PLXNA4: variants seen among roughly 807,000 people sequenced by gnomAD.
PLXNA4 encodes the protein plexin A4.
PLXNA4 carries 44 observed loss-of-function variants against 191.8 expected under a neutral mutation model. That is an observed-to-expected ratio of 0.23 (90% CI 0.18 to 0.29). PLXNA4 has a LOEUF of 0.29. PLXNA4 is among the 10% of genes least tolerant of loss of function. The probability of loss-of-function intolerance (pLI) is 1.00; values close to 1 mark genes in which losing one functional copy is unlikely to be tolerated. For missense variants in PLXNA4, 1,800 were observed against 2,488.8 expected, an observed-to-expected ratio of 0.72 and a Z score of 5.89; for synonymous variants, 1,082 against 1,009.5, an observed-to-expected ratio of 1.07 and a Z score of -1.36.
intron 2 of PLXNA4, among the ~76,000 whole-genome samples, chr7:132,627,999 T>A (rs993529296): frequency 2.6e-5 from 4 of 152,222 alleles, no homozygotes; most frequent in Admixed American, 1.3e-4. Flanking sequence ...TTTAATATTT[T>A]CCTTCTTGGA....
chr7:132,527,861 A>T (rs972390969), intron 1 of PLXNA4, among the ~76,000 whole-genome samples: 2 of 152,208 alleles, frequency 1.3e-5, no homozygotes, highest in African/African-American at 4.8e-5. Context: ...TAACTGATAG[A>T]GCCTGCACAC....
intron 3 of PLXNA4, among the ~76,000 whole-genome samples, chr7:132,429,473 A>C (rs1466444936): frequency 6.6e-6 from 1 of 152,172 alleles, no homozygotes; most frequent in East Asian, 1.9e-4. Context: ...CACACCACGA[A>C]AGCAGGCACA....
At position 132,507,948 on chromosome 7, in the gene PLXNA4, C is replaced by G; in HGVS notation, c.746G>C (p.Ser249Thr). 1 of 1,614,136 alleles carries G rather than the reference C, an allele frequency of 6.2e-7. No homozygotes were observed. Among genetic ancestry groups the G allele is most frequent in the Non-Finnish European group, 8.5e-7 (1 of 1,180,034 alleles). The change falls in exon 2 of 32, where the codon AGC (serine) becomes ACC (threonine). Residue 249 changes from serine (S) to threonine (T), a missense_variant. Physicochemically the swap from Ser to Thr is moderately conservative, Grantham distance 58. Coordinates refer to ENST00000321063, the MANE Select transcript of PLXNA4 (RefSeq NM_020911.2). ...CAAAAAGTAGACAAAGTTGCCACTG[C>G]TAAAACCATAGACATAGTAGATATC... ...DFDIYYVYGF[S>T]SGNFVYFLTL...
In PLXNA4 at chr7:132,344,572, C is replaced by T. The variant is rs1304460526; in HGVS notation, c.1372-46350G>A. 4.9e-5 allele frequency among the ~76,000 whole-genome samples: 7 copies of T among 141,508 alleles called. No homozygotes were observed. In the East Asian group the frequency reaches 1.3e-3, roughly 27 times the overall value. The allele number at this position is 141,508 out of a possible 152,430, so 92.8% of individuals were successfully genotyped here. A position where few individuals can be genotyped will look rare whatever the true frequency, so the allele number is the denominator to read the frequency against. On this transcript the variant is annotated intron_variant, in intron 3 of 31. Coordinates refer to ENST00000321063, the MANE Select transcript of PLXNA4 (RefSeq NM_020911.2). ...AATGAGGGCCAGCATCCACATCCCT[C>T]CCCTTTCCCTCTGGCAGTCCTCCTT... is the stretch of plus-strand genomic sequence containing the variant.
intron 25 of PLXNA4, among the ~76,000 whole-genome samples, chr7:132,149,043 G>C (rs576903530): frequency 6.6e-6 from 1 of 152,194 alleles, no homozygotes; most frequent in Non-Finnish European, 1.5e-5. Flanking sequence ...GACTTGTTTG[G>C]AAGCTCTTAG....
At chr7:132,417,007 A>C (rs902613768) in intron 3 of PLXNA4, among the ~76,000 whole-genome samples, 27 of 152,234 alleles carry the variant, frequency 1.8e-4, no homozygotes, top group African/African-American at 6.3e-4. Flanking sequence ...AAAAGTGACT[A>C]TATCCTGCCA....
intron 3 of PLXNA4, among the ~76,000 whole-genome samples, chr7:132,310,527 C>T (rs936595544): frequency 2.6e-5 from 4 of 152,196 alleles, no homozygotes; most frequent in Non-Finnish European, 4.4e-5. Flanking sequence ...TCCAAGCTTA[C>T]ATTTCTTTGA....
chr7:132,455,633 G>T (rs569372515), intron 3 of PLXNA4, among the ~76,000 whole-genome samples: 1 of 152,266 alleles, frequency 6.6e-6, no homozygotes, highest in South Asian at 2.1e-4. Context: ...TCCTCCGTTT[G>T]CATTCTCCAC....
chr7:132,564,147 CCTCCTT>C (rs1801588890), intron 1 of PLXNA4, among the ~76,000 whole-genome samples: 3 of 133,372 alleles, frequency 2.2e-5, no homozygotes, highest in African/African-American at 9.9e-5. Flanking sequence ...TTCTCCTCCT[CCTCCTT>C]CTCCTCCTCC....
intron 10 of PLXNA4, among the ~76,000 whole-genome samples, chr7:132,208,373 A>C (rs1160231255): frequency 6.6e-6 from 1 of 152,228 alleles, no homozygotes; most frequent in Non-Finnish European, 1.5e-5. Context: ...AATGGTGTCA[A>C]AATTAAAAAG....
chr7:132,469,119 C>CAAAAA (rs5887577), intron 3 of PLXNA4, among the ~76,000 whole-genome samples: 1 of 87,418 alleles, frequency 1.1e-5, no homozygotes, highest in African/African-American at 4.3e-5. Context: ...GCACACCAAC[C>CAAAAA]AAAAAAAAAA....
At chr7:132,273,953 G>A (rs1286089223) in intron 4 of PLXNA4, among the ~76,000 whole-genome samples, 1 of 151,756 alleles carries the variant, frequency 6.6e-6, no homozygotes, top group Non-Finnish European at 1.5e-5. Context: ...TCATTCAGTT[G>A]GTGAATGGGT....
At chr7:132,307,857 T>C (rs1801588370) in intron 3 of PLXNA4, among the ~76,000 whole-genome samples, 1 of 152,116 alleles carries the variant, frequency 6.6e-6, no homozygotes, top group South Asian at 2.1e-4. Context: ...TGCAAGAGTG[T>C]AAACAATAAT....
intron 3 of PLXNA4, among the ~76,000 whole-genome samples, chr7:132,433,771 C>T (rs572187803): frequency 1.3e-5 from 2 of 152,170 alleles, no homozygotes; most frequent in African/African-American, 2.4e-5. Flanking sequence ...CTCAGGTCAG[C>T]CCTGACTTCC....
At chr7:132,532,474 C>T (rs1211623819) in intron 1 of PLXNA4, among the ~76,000 whole-genome samples, 1 of 152,126 alleles carries the variant, frequency 6.6e-6, no homozygotes, top group Non-Finnish European at 1.5e-5. Context: ...AAATCAGTTG[C>T]CTCTTATGTA....
intron 9 of PLXNA4, among the ~76,000 whole-genome samples, chr7:132,216,422 G>A (rs1413773615): frequency 6.6e-6 from 1 of 152,184 alleles, no homozygotes; most frequent in Non-Finnish European, 1.5e-5. Context: ...AGGCATGGGG[G>A]AGGTGGGCCT....
intron 3 of PLXNA4, among the ~76,000 whole-genome samples, chr7:132,312,884 G>T (rs182321980): frequency 6.6e-6 from 1 of 152,150 alleles, no homozygotes; most frequent in Non-Finnish European, 1.5e-5. Flanking sequence ...TTATTTACAT[G>T]AGGGGTCCAT....
At chr7:132,607,802 T>G (rs1013521381) in intron 2 of PLXNA4, among the ~76,000 whole-genome samples, 1 of 151,962 alleles carries the variant, frequency 6.6e-6, no homozygotes, top group Non-Finnish European at 1.5e-5. Flanking sequence ...ATCATCATCA[T>G]CACTATCACC....
In PLXNA4 at chr7:132,194,142, G is replaced by A; in HGVS notation, c.2776C>T (p.His926Tyr). ...ACGCAGATCTCCACGAAGCCTGCAT[G>A]CTGGCTGGGCTTGGCCTCCCCCATC... is the stretch of plus-strand genomic sequence containing the variant. ...CEMGEAKPSQ[H>Y]AGFVEICVAV... Residue 926 changes from histidine to tyrosine, a missense_variant, in exon 14 of 32, where the codon CAT (histidine) becomes TAT (tyrosine). Around this residue, in one of 6 missense-constraint regions of PLXNA4, gnomAD observed 1,397 missense variants for 1,880.4 expected, o/e 0.74. Transcript: ENST00000321063. The A allele has an allele frequency of 8.1e-6, 13 of 1,613,946 alleles. No homozygotes were observed. Among genetic ancestry groups the A allele is most frequent in the Non-Finnish European group, 1.1e-5 (13 of 1,179,862 alleles).
Sources: gnomAD v4.1 joint callset for allele counts (sites outside exome capture counted in the v4.1 genomes callset) on GRCh38, gnomAD v4.1.1 for gene constraint, gnomAD v4.1.1 regional missense constraint, MANE v1.5 for transcripts, NCBI Gene and HGNC (gene_info 2026-07-23, HGNC 2026-07-21) for gene names.